Variants in BTBD8 observed in about 807,000 individuals in gnomAD.
The protein encoded by BTBD8 is BTB domain containing 8.
In BTBD8, 110 loss-of-function variants were observed where a neutral mutation model predicts 162.9. That is an observed-to-expected ratio of 0.68 (90% CI 0.58 to 0.79). The LOEUF is 0.79. Ranked by LOEUF, BTBD8 falls within the 30% of genes least tolerant of loss-of-function variation. BTBD8 has a pLI of 0.00. For missense variants in BTBD8, 1,905 were observed against 2,085.4 expected, an observed-to-expected ratio of 0.91 and a Z score of 1.68; for synonymous variants, 667 against 716.1, an observed-to-expected ratio of 0.93 and a Z score of 1.10.
intron 7 of BTBD8, among the ~76,000 whole-genome samples, chr1:92,146,349 A>G (rs1350992330): frequency 6.6e-6 from 1 of 152,196 alleles, no homozygotes; most frequent in Non-Finnish European, 1.5e-5. Flanking sequence ...GAAGGTACAG[A>G]GATATCCTAC....
At position 92,105,422 on chromosome 1, in the gene BTBD8, T is replaced by G. The variant is rs182416662; in HGVS notation, c.545-2462T>G. ...GCTGACCACCACACCTGGCTAATAT[T>G]TTGTATTCTTAGTAGAGATGAGGTT... On this transcript the variant is annotated intron_variant, in intron 3 of 17. Transcript: ENST00000636805. 2.0e-5 allele frequency among the ~76,000 whole-genome samples: 3 copies of G among 152,072 alleles called. No individual in the cohort carries two copies. The East Asian group carries it at 5.8e-4, about 29-fold the overall frequency.
Position 92,183,976 on chromosome 1 carries a change from A to G in BTBD8, c.5025A>G (p.Lys1675=). 6.4e-7 allele frequency: 1 copy of G among 1,551,602 alleles called. No individual in the cohort carries two copies. Among genetic ancestry groups the G allele is most frequent in the East Asian group, 2.4e-5 (1 of 40,910 alleles). Residue 1675 remains lysine (K), a synonymous_variant, in exon 18 of 18, where the codon AAA becomes AAG. Coordinates refer to ENST00000636805, the MANE Select transcript of BTBD8 (RefSeq NM_001376131.1). ...EMDVIEAFEQ[K]VESETHVTDM... ...ATGTAATAGAAGCATTTGAGCAGAA[A>G]GTGGAATCAGAAACACATGTTACAG...
intron 7 of BTBD8, among the ~76,000 whole-genome samples, chr1:92,146,670 G>GT (rs1176097389): frequency 6.6e-6 from 1 of 151,972 alleles, no homozygotes; most frequent in Non-Finnish European, 1.5e-5. Flanking sequence ...CTGTAGTTTT[G>GT]TTTTTTTCCG....
chr1:92,083,203 A>G (rs992751603), intron 1 of BTBD8, among the ~76,000 whole-genome samples: 4 of 152,054 alleles, frequency 2.6e-5, no homozygotes, highest in African/African-American at 9.7e-5. Flanking sequence ...GAGACTTTCA[A>G]ATGACTTGCC....
intron 4 of BTBD8, chr1:92,115,297 A>G (rs1372908831): frequency 8.7e-6 from 4 of 458,640 alleles, no homozygotes; most frequent in African/African-American, 6.0e-5. Context: ...GATTCCTCCC[A>G]TGATGCCAGA....
intron 9 of BTBD8, among the ~76,000 whole-genome samples, chr1:92,158,382 T>C (rs575191865): frequency 6.6e-6 from 1 of 152,226 alleles, no homozygotes; most frequent in Admixed American, 6.5e-5. Flanking sequence ...TTCTCTTTTT[T>C]GGTATAACTT....
chr1:92,125,460 A>C (rs1649330748), intron 4 of BTBD8: 1 of 315,362 alleles, frequency 3.2e-6, no homozygotes, highest in Non-Finnish European at 6.2e-6. Context: ...CTCAGGGAAC[A>C]CTTTGAGAGG....
chr1:92,090,698 G>A (rs532558773), intron 2 of BTBD8, among the ~76,000 whole-genome samples: 2 of 152,336 alleles, frequency 1.3e-5, no homozygotes, highest in South Asian at 4.1e-4. Flanking sequence ...AGGAGGCCGA[G>A]GTGGGCAGAT....
chr1:92,180,428 A>G lies in BTBD8; in HGVS notation c.2745A>G (p.Lys915=). The change falls in exon 17 of 18, where the codon AAA becomes AAG. Residue 915 remains lysine, a synonymous_variant. Coordinates refer to ENST00000636805, the MANE Select transcript of BTBD8 (RefSeq NM_001376131.1). ...CAGCTTTGCCTAAGGTTAATGCAAA[A>G]ATAGTGGCAATGCCTAAAAATCTAA... The part of the protein sequence containing the change: ...VHTALPKVNA[K]IVAMPKNLNQ... The G allele has an allele frequency of 1.9e-6, 3 of 1,551,488 alleles. No homozygotes were observed. In the Admixed American group the frequency reaches 5.9e-5, roughly 30 times the overall value.
chr1:92,107,906 A>G lies in BTBD8; in HGVS notation c.567A>G (p.Ala189=), dbSNP rs1351626746. ...AAGATAATTATGACTTGGAGCCTGC[A>G]TCTGAATTAGGAGAAGATTTATTGA... ...ISNDNYDLEP[A]SELGEDLLKL... Residue 189 remains alanine (A), a synonymous_variant, in exon 4 of 18, where the codon GCA becomes GCG. Coordinates refer to ENST00000636805, the MANE Select transcript of BTBD8 (RefSeq NM_001376131.1). 3 of 1,613,650 alleles carry G rather than the reference A, an allele frequency of 1.9e-6. No homozygotes were observed. Among genetic ancestry groups the G allele is most frequent in the Non-Finnish European group, 2.5e-6 (3 of 1,179,900 alleles).
chr1:92,105,178 C>T (rs572653667), intron 3 of BTBD8, among the ~76,000 whole-genome samples: 16 of 152,258 alleles, frequency 1.1e-4, no homozygotes, highest in East Asian at 9.7e-4. Context: ...GTGATCCGCC[C>T]GCCTCAGCCT....
intron 14 of BTBD8, 98 bp from the exon 15 acceptor site, chr1:92,177,713 A>G: frequency 1.2e-6 from 1 of 867,662 alleles, no homozygotes; most frequent in Non-Finnish European, 1.8e-6. Context: ...TCCCACTTTA[A>G]TATTTCATTT....
intron 4 of BTBD8, among the ~76,000 whole-genome samples, chr1:92,117,563 C>A (rs1171029358): frequency 1.3e-5 from 2 of 151,982 alleles, no homozygotes; most frequent in Non-Finnish European, 2.9e-5. Flanking sequence ...ATATAGCTTC[C>A]TGGCTTTTAT....
At position 92,181,028 on chromosome 1, in the gene BTBD8, A is replaced by G; in HGVS notation, c.3345A>G (p.Ala1115=). The stretch of plus-strand genomic sequence containing the variant: ...TTTGTGATTTAGACTCAACAAGTGC[A>G]GGGCAAATCCATTTGATATCAGATA... ...NPVCDLDSTS[A]GQIHLISDRE... The change falls in exon 17 of 18, where the codon GCA becomes GCG. Residue 1115 remains alanine, a synonymous_variant. Coordinates refer to ENST00000636805, the MANE Select transcript of BTBD8 (RefSeq NM_001376131.1). 2 of 1,551,890 alleles carry G rather than the reference A, an allele frequency of 1.3e-6. No individual in the cohort carries two copies. The highest frequency in any genetic ancestry group is 1.7e-6 in the Non-Finnish European group (2 of 1,147,028).
At chr1:92,124,522 A>G (rs1028756456) in intron 4 of BTBD8, among the ~76,000 whole-genome samples, 4 of 152,252 alleles carry the variant, frequency 2.6e-5, no homozygotes, top group African/African-American at 9.6e-5. Context: ...TTGAGGCTGC[A>G]GTGGGCTATG....
chr1:92,107,946 C>A lies in BTBD8; in HGVS notation c.607C>A (p.Pro203Thr). Residue 203 changes from proline (P) to threonine (T), a missense_variant, in exon 4 of 18, where the codon CCT becomes ACT. Coordinates refer to ENST00000636805, the MANE Select transcript of BTBD8 (RefSeq NM_001376131.1). Reference protein sequence around the residue: ...GEDLLKLYVKPCCPDIDIFVD... With the variant: ...GEDLLKLYVKTCCPDIDIFVD... ...AGATTTATTGAAGCTTTATGTGAAA[C>A]CTTGTTGCCCAGATATTGATATTTT... 6.2e-7 allele frequency: 1 copy of A among 1,614,014 alleles called. No individual in the cohort carries two copies. Among genetic ancestry groups the A allele is most frequent in the Non-Finnish European group, 8.5e-7 (1 of 1,179,982 alleles).
chr1:92,151,978 G>A (rs1325082016), intron 9 of BTBD8, among the ~76,000 whole-genome samples: 3 of 152,052 alleles, frequency 2.0e-5, no homozygotes, highest in African/African-American at 7.3e-5. Context: ...GACTTATAGA[G>A]CTCCACAAAA....
chr1:92,178,499 A>G (rs1650789185), intron 16 of BTBD8, 48 bp downstream of exon 16: 2 of 1,468,792 alleles, frequency 1.4e-6, no homozygotes, highest in Non-Finnish European at 1.8e-6. Context: ...TCCTTGTGTA[A>G]ACTGGATAAG....
At chr1:92,135,780 GTTTAT>G (rs1331871116) in intron 5 of BTBD8, among the ~76,000 whole-genome samples, 1 of 152,000 alleles carries the variant, frequency 6.6e-6, no homozygotes, top group Non-Finnish European at 1.5e-5. Context: ...AGATTTTGCT[GTTTAT>G]TTTAATATGA....
Sources: allele counts gnomAD v4.1 joint callset (sites outside exome capture counted in the v4.1 genomes callset), GRCh38; gene constraint gnomAD v4.1.1; transcripts MANE v1.5; gene names NCBI Gene and HGNC (gene_info 2026-07-23, HGNC 2026-07-21).